The following WDR27 variants were observed in gnomAD, a reference collection of about 807,000 sequenced individuals.
WDR27 encodes WD repeat domain 27, also known as WD repeat-containing protein 27.
A neutral mutation model predicts 114.4 loss-of-function variants in WDR27; 100 were observed. The observed-to-expected ratio is 0.87, with a 90% CI of 0.74 to 1.03. WDR27 has a LOEUF of 1.03. Among genes scored for constraint, WDR27 ranks in the 50% least tolerant of loss-of-function variants. The pLI is 0.00. For synonymous variants in WDR27, 449 were observed against 423.1 expected (o/e 1.06, Z -0.75); for missense variants, 1,129 against 1,092.9 (o/e 1.03, Z -0.47).
intron 25 of WDR27, among the ~76,000 whole-genome samples, chr6:169,509,749 G>GAAAT: frequency 1.3e-5 from 2 of 152,238 alleles, no homozygotes; most frequent in East Asian, 3.9e-4. Flanking sequence ...AACACCAAAA[G>GAAAT]CAGTGGCAAC....
At chr6:169,574,813 C>CT (rs1355203030) in intron 24 of WDR27, among the ~76,000 whole-genome samples, 1 of 152,134 alleles carries the variant, frequency 6.6e-6, no homozygotes, top group East Asian at 1.9e-4. Flanking sequence ...GAAAGGAGAG[C>CT]TAGAAGGCCA....
chr6:169,623,464 C>T (rs977994519), intron 21 of WDR27, among the ~76,000 whole-genome samples: 18 of 152,218 alleles, frequency 1.2e-4, no homozygotes, highest in African/African-American at 3.9e-4. Context: ...AGGCAGCAGA[C>T]AAGGTGAACC....
chr6:169,691,992 A>C (rs371080689), intron 1 of WDR27, among the ~76,000 whole-genome samples: 15 of 152,358 alleles, frequency 9.8e-5, no homozygotes, highest in Middle Eastern at 3.4e-3. Flanking sequence ...CCTTTTAAAG[A>C]AGCAGCAGGC....
intron 13 of WDR27, among the ~76,000 whole-genome samples, chr6:169,653,205 A>C (rs950235574): frequency 4.6e-5 from 7 of 152,238 alleles, no homozygotes; most frequent in Admixed American, 2.6e-4. Flanking sequence ...CCATCTGAAC[A>C]GTCTAGTATG....
chr6:169,477,963 A>T (rs1159678476), intron 25 of WDR27, among the ~76,000 whole-genome samples: 1 of 151,180 alleles, frequency 6.6e-6, no homozygotes, highest in Non-Finnish European at 1.5e-5. Context: ...ACTTGGCAAT[A>T]AAAAAAACTA....
intron 24 of WDR27, among the ~76,000 whole-genome samples, chr6:169,582,236 A>G (rs908868661): frequency 6.6e-6 from 1 of 152,168 alleles, no homozygotes; most frequent in Non-Finnish European, 1.5e-5. Flanking sequence ...CGGCCTCCCA[A>G]AGTGCTGGGA....
intron 21 of WDR27, among the ~76,000 whole-genome samples, chr6:169,622,295 C>CA (rs1813556743): frequency 6.6e-6 from 1 of 152,218 alleles, no homozygotes; most frequent in African/African-American, 2.4e-5. Flanking sequence ...CAAATGTCGT[C>CA]AGGACCTCCT....
chr6:169,650,361 C>T (rs1156530373), intron 14 of WDR27, among the ~76,000 whole-genome samples: 1 of 149,430 alleles, frequency 6.7e-6, no homozygotes, highest in African/African-American at 2.5e-5. Flanking sequence ...TGCATCCCTC[C>T]ATCCCCTCCA....
At chr6:169,452,550 GA>G (rs1784198141), downstream of WDR27, among the ~76,000 whole-genome samples, 1 of 144,162 alleles carries the variant, frequency 6.9e-6, no homozygotes, top group African/African-American at 2.6e-5. Context: ...TGGGGTCAGA[GA>G]GGAGCCGTGC....
intron 25 of WDR27, among the ~76,000 whole-genome samples, chr6:169,533,356 T>G (rs937906851): frequency 1.3e-5 from 2 of 151,816 alleles, no homozygotes; most frequent in Non-Finnish European, 2.9e-5. Flanking sequence ...CAGAAATGAG[T>G]CTTATATCCT....
At chr6:169,600,155 A>G (rs991295320) in intron 23 of WDR27, among the ~76,000 whole-genome samples, 1 of 151,994 alleles carries the variant, frequency 6.6e-6, no homozygotes, top group Non-Finnish European at 1.5e-5. Flanking sequence ...GCTCTTTTAC[A>G]TTTGCTGAGG....
intron 25 of WDR27, among the ~76,000 whole-genome samples, chr6:169,469,185 C>A (rs1786007826): frequency 6.6e-6 from 1 of 152,218 alleles, no homozygotes; most frequent in Non-Finnish European, 1.5e-5. Context: ...TCCATCCAAA[C>A]AGACACAAAA....
At chr6:169,516,835 A>ACACACACACACC (rs1491176990) in intron 25 of WDR27, among the ~76,000 whole-genome samples, 16 of 144,656 alleles carry the variant, frequency 1.1e-4, no homozygotes, top group African/African-American at 3.2e-4. Context: ...ACACACACAC[A>ACACACACACACC]CCCCTCCCTT....
At chr6:169,434,623 G>T in the WDR27 span, among the ~76,000 whole-genome samples, 2 of 152,058 alleles carry the variant, frequency 1.3e-5, no homozygotes, top group African/African-American at 4.8e-5. Flanking sequence ...TTTTGCCCCT[G>T]CCCTAGAGAT....
chr6:169,609,459 C>G (rs1282681811), intron 22 of WDR27, among the ~76,000 whole-genome samples: 2 of 152,216 alleles, frequency 1.3e-5, no homozygotes, highest in African/African-American at 4.8e-5. Context: ...CACCCGTAGG[C>G]CCAACATGAT....
chr6:169,692,133 T>C (rs1362056649), intron 1 of WDR27, among the ~76,000 whole-genome samples: 4 of 152,194 alleles, frequency 2.6e-5, no homozygotes, highest in Non-Finnish European at 1.5e-5. Flanking sequence ...TAACCTTACC[T>C]AGAGCTGAAG....
intron 25 of WDR27, among the ~76,000 whole-genome samples, chr6:169,509,719 G>A (rs539733132): frequency 1.3e-5 from 2 of 151,978 alleles, no homozygotes; most frequent in African/African-American, 4.8e-5. Context: ...CATAGGCATG[G>A]GCAAGGACTT....
chr6:169,651,985 G>A lies in WDR27; in HGVS notation c.1426C>T (p.Gln476Ter). 1 of 1,613,806 alleles carries A rather than the reference G, an allele frequency of 6.2e-7. No individual in the cohort carries two copies. The highest frequency in any genetic ancestry group is 8.5e-7 in the Non-Finnish European group (1 of 1,179,854). Residue 476 changes from glutamine to a stop codon, truncating the protein, a stop_gained, in exon 14 of 26, where the codon CAA becomes TAA. Coordinates refer to ENST00000448612, the MANE Select transcript of WDR27 (RefSeq NM_182552.5). LOFTEE classifies it high-confidence loss of function. Reference sequence around the variant, plus strand: ...ACTTTACTATGGAAAACCAGGCGTTGGTCCTTCATGACGTTCCGTGCAGCT... The same window carrying A: ...ACTTTACTATGGAAAACCAGGCGTTAGTCCTTCATGACGTTCCGTGCAGCT... ...RRAARNVMKD[Q>*]RLVFHSKVRS...
chr6:169,670,523 C>T (rs1436714540), intron 4 of WDR27, 46 bp downstream of exon 4: 3 of 1,609,958 alleles, frequency 1.9e-6, no homozygotes, highest in Admixed American at 3.3e-5. Context: ...TGGGAGGCCC[C>T]ATCAGCTAAA....
Sources: gnomAD v4.1 joint callset for allele counts (sites outside exome capture counted in the v4.1 genomes callset) on GRCh38, gnomAD v4.1.1 for gene constraint, MANE v1.5 for transcripts, NCBI Gene and HGNC (gene_info 2026-07-23, HGNC 2026-07-21) for gene names.